FARP1: variants seen among roughly 807,000 people sequenced by gnomAD.
FARP1 encodes the protein FERM, ARHGEF and pleckstrin domain-containing protein 1.
In FARP1, 52 loss-of-function variants were observed where a neutral mutation model predicts 128.8. The ratio of observed to expected loss-of-function variants is 0.40; its 90% CI spans 0.32 to 0.51. The LOEUF is 0.51. Among genes scored for constraint, FARP1 ranks in the 20% least tolerant of loss-of-function variants. The pLI is 0.45. For synonymous variants in FARP1, 580 were observed against 551.8 expected, an observed-to-expected ratio of 1.05 and a Z score of -0.72; for missense variants, 1,333 against 1,367.9, an observed-to-expected ratio of 0.97 and a Z score of 0.40.
intron 2 of FARP1, among the ~76,000 whole-genome samples, chr13:98,251,016 G>A (rs374275076): frequency 6.6e-6 from 1 of 152,214 alleles, no homozygotes; most frequent in South Asian, 2.1e-4. Context: ...TTGGCACATA[G>A]CAGGGACTTC....
chr13:98,256,676 T>C (rs9517236), intron 2 of FARP1, among the ~76,000 whole-genome samples: 111,915 of 150,878 alleles, frequency 0.74, 44,041 homozygotes, highest in East Asian at 0.89. Flanking sequence ...TCTTGTGCTT[T>C]GGCCTCCCGA....
intron 13 of FARP1, chr13:98,400,837 T>G (rs1890733555): frequency 6.6e-6 from 1 of 152,220 alleles, no homozygotes; most frequent in Non-Finnish European, 1.5e-5. Context: ...TTTTACAAAT[T>G]GAACTGCAGA....
chr13:98,166,915 T>C (rs1383046419), intron 1 of FARP1, among the ~76,000 whole-genome samples: 2 of 152,042 alleles, frequency 1.3e-5, no homozygotes, highest in Non-Finnish European at 1.5e-5. Context: ...TTAGTAGAAA[T>C]TGGGTTTTGC....
intron 2 of FARP1, among the ~76,000 whole-genome samples, chr13:98,225,895 G>A (rs776186627): frequency 8.5e-5 from 13 of 152,200 alleles, no homozygotes; most frequent in Non-Finnish European, 1.5e-4. Context: ...AAACAAGGGC[G>A]TTTTTGTACA....
chr13:98,317,785 T>C (rs1391946602), intron 2 of FARP1, among the ~76,000 whole-genome samples: 1 of 152,212 alleles, frequency 6.6e-6, no homozygotes, highest in Non-Finnish European at 1.5e-5. Flanking sequence ...CCAGTCCTGG[T>C]GAGGGCTCTC....
intron 2 of FARP1, among the ~76,000 whole-genome samples, chr13:98,273,976 C>T (rs779564271): frequency 4.7e-4 from 72 of 152,180 alleles, no homozygotes; most frequent in Non-Finnish European, 8.7e-4. Flanking sequence ...AAAATGACAA[C>T]ACCATGGTTT....
intron 2 of FARP1, among the ~76,000 whole-genome samples, chr13:98,230,979 C>T (rs942456988): frequency 4.6e-5 from 7 of 152,220 alleles, no homozygotes; most frequent in African/African-American, 1.4e-4. Flanking sequence ...AGAAAGTGTA[C>T]GGGGGAGTTG....
chr13:98,196,115 C>T (rs1879555569), intron 1 of FARP1, among the ~76,000 whole-genome samples: 2 of 152,202 alleles, frequency 1.3e-5, no homozygotes, highest in Admixed American at 1.3e-4. Flanking sequence ...GAGGCATCCT[C>T]AGTAGCTTAG....
chr13:98,390,777 A>G (rs746522117), intron 10 of FARP1, 35 bp from the exon 11 acceptor site: 3 of 1,528,296 alleles, frequency 2.0e-6, no homozygotes, highest in Non-Finnish European at 2.7e-6. Flanking sequence ...ATGCCTTGGT[A>G]TTTCTCCCCT....
At chr13:98,262,023 C>CT (rs200826486) in intron 2 of FARP1, among the ~76,000 whole-genome samples, 57 of 141,304 alleles carry the variant, frequency 4.0e-4, no homozygotes, top group East Asian at 1.6e-3. Flanking sequence ...GCCCCCCCAA[C>CT]TTTTTTTTTT....
chr13:98,261,476 T>G (rs973792095), intron 2 of FARP1, among the ~76,000 whole-genome samples: 3 of 151,934 alleles, frequency 2.0e-5, no homozygotes, highest in African/African-American at 7.3e-5. Flanking sequence ...CATTCCTCTC[T>G]ATAGATTTCA....
intron 5 of FARP1, among the ~76,000 whole-genome samples, chr13:98,377,526 G>A (rs1213812894): frequency 6.6e-6 from 1 of 152,012 alleles, no homozygotes; most frequent in Admixed American, 6.6e-5. Context: ...AATATTTCCT[G>A]TACGCTACAA....
At chr13:98,266,677 G>A (rs1884131327) in intron 2 of FARP1, among the ~76,000 whole-genome samples, 1 of 152,136 alleles carries the variant, frequency 6.6e-6, no homozygotes, top group South Asian at 2.1e-4. Flanking sequence ...ACCCCAAGAT[G>A]TTCTTTAATT....
chr13:98,404,919 G>A (rs998858656), intron 13 of FARP1: 1 of 152,096 alleles, frequency 6.6e-6, no homozygotes, highest in Non-Finnish European at 1.5e-5. Flanking sequence ...AGTTTTTCTA[G>A]TTTCCCCCTT....
At position 98,323,065 on chromosome 13, in the gene FARP1, A is replaced by G. The variant is rs377713279; in HGVS notation, c.172-20697A>G. On this transcript the variant is annotated intron_variant, in intron 2 of 26. Coordinates refer to ENST00000319562, the MANE Select transcript of FARP1 (RefSeq NM_005766.4). The stretch of plus-strand genomic sequence containing the variant: ...GCAGGATGTAATAGTGGCTACTAAC[A>G]TTAAACATTACTTAAAATTACATGC... 6.0e-4 allele frequency among the ~76,000 whole-genome samples: 92 copies of G among 152,382 alleles called. No individual in the cohort carries two copies. In the South Asian group the frequency reaches 0.014, roughly 23 times the overall value.
At chr13:98,348,010 A>G (rs1219412653) in intron 3 of FARP1, among the ~76,000 whole-genome samples, 2 of 152,234 alleles carry the variant, frequency 1.3e-5, no homozygotes, top group Non-Finnish European at 2.9e-5. Flanking sequence ...TTTCTGTCTT[A>G]TAAATACCCA....
intron 3 of FARP1, among the ~76,000 whole-genome samples, chr13:98,352,309 A>T (rs1888468913): frequency 6.6e-6 from 1 of 152,224 alleles, no homozygotes; most frequent in South Asian, 2.1e-4. Flanking sequence ...ACTGGAAATC[A>T]CAGGGAAATG....
intron 19 of FARP1, 58 bp from the exon 20 acceptor site, chr13:98,438,746 C>T (rs191789712): frequency 1.2e-5 from 17 of 1,422,320 alleles, no homozygotes; most frequent in South Asian, 2.3e-5. Flanking sequence ...GCACACTGGC[C>T]GTCAGCCCTT....
chr13:98,368,435 T>C (rs1281311411), intron 5 of FARP1, among the ~76,000 whole-genome samples: 2 of 152,260 alleles, frequency 1.3e-5, no homozygotes, highest in Non-Finnish European at 2.9e-5. Flanking sequence ...CCTGGGCTTA[T>C]ACTCTGTTAA....
Sources: allele counts gnomAD v4.1 joint callset (sites outside exome capture counted in the v4.1 genomes callset), GRCh38; gene constraint gnomAD v4.1.1; transcripts MANE v1.5; gene names NCBI Gene and HGNC (gene_info 2026-07-23, HGNC 2026-07-21).